The following CTNNA2 variants were observed in gnomAD, a reference collection of about 807,000 sequenced individuals.
CTNNA2 encodes the protein catenin alpha-2.
Under a neutral mutation model 101.0 loss-of-function variants are expected in CTNNA2, and 42 were observed. The observed-to-expected ratio is 0.42, with a 90% CI of 0.32 to 0.54. CTNNA2 has a LOEUF of 0.54. Ranked by LOEUF, CTNNA2 falls within the 20% of genes least tolerant of loss-of-function variation. The pLI, the probability that CTNNA2 is intolerant of heterozygous loss-of-function variation, is 0.14. For missense variants in CTNNA2, 871 were observed against 1,223.1 expected, an observed-to-expected ratio of 0.71 and a Z score of 4.29; for synonymous variants, 450 against 456.4, an observed-to-expected ratio of 0.99 and a Z score of 0.18.
chr2:79,666,199 T>C (rs1284608060), intron 2 of CTNNA2, among the ~76,000 whole-genome samples: 2 of 152,144 alleles, frequency 1.3e-5, no homozygotes, highest in Non-Finnish European at 2.9e-5. Context: ...TGGGCTTCTT[T>C]CCCAGAAAAA....
Position 80,070,717 on chromosome 2 carries a change from C to CAAA in CTNNA2, c.1056+160932_1056+160934dup, listed in dbSNP as rs70940074. Among the ~76,000 whole-genome samples, 54 of 140,468 alleles carry CAAA rather than the reference C, an allele frequency of 3.8e-4. No individual in the cohort carries two copies. The East Asian group carries it at 7.8e-3, about 20-fold the overall frequency. The allele number at this position is 140,468 out of a possible 152,430, so 92.2% of individuals were successfully genotyped here. A position where few individuals can be genotyped will look rare whatever the true frequency, so the allele number is the denominator to read the frequency against. ...CGGCAAACAGAGTGAGACCCTGTCT[C>CAAA]AAAAAAAAAAAAAAGTCTGAAATCA... On this transcript the variant is annotated intron_variant, in intron 7 of 18. Transcript: ENST00000402739.
chr2:79,933,317 C>T (rs890553797), intron 7 of CTNNA2, among the ~76,000 whole-genome samples: 1 of 152,056 alleles, frequency 6.6e-6, no homozygotes. Flanking sequence ...CATATTGAAC[C>T]TTTCTAACAA....
intron 9 of CTNNA2, among the ~76,000 whole-genome samples, chr2:80,453,451 T>C (rs1483255796): frequency 2.6e-5 from 4 of 152,080 alleles, no homozygotes; most frequent in African/African-American, 7.2e-5. Context: ...GACTCTAATA[T>C]GGTGCATTCA....
intron 15 of CTNNA2, among the ~76,000 whole-genome samples, chr2:80,589,903 T>TGTGTGC (rs1553400676): frequency 0.037 from 5,371 of 144,280 alleles, 246 homozygotes; most frequent in Admixed American, 0.066. Flanking sequence ...TGTGTGTGTG[T>TGTGTGC]GTGCGCGCGC....
rs147050368 is a variant in CTNNA2 at position 79,830,335 on chromosome 2, G to A, written c.299-27678G>A. Among the ~76,000 whole-genome samples, 11 of 152,280 alleles carry A rather than the reference G, an allele frequency of 7.2e-5. No individual in the cohort carries two copies. The East Asian group carries it at 1.9e-3, about 27-fold the overall frequency. ...GCACTGACTTGGAAGTGGGCAGGCAGGTCAAAGGGAAGTTCTGGGGAGGAT... is the reference window on the plus strand; with the variant it reads ...GCACTGACTTGGAAGTGGGCAGGCAAGTCAAAGGGAAGTTCTGGGGAGGAT... On this transcript the variant is annotated intron_variant, in intron 3 of 18. Coordinates refer to ENST00000402739, the MANE Select transcript of CTNNA2 (RefSeq NM_001282597.3).
chr2:80,302,985 C>A lies in CTNNA2; in HGVS notation c.1057-90226C>A. The A allele has an allele frequency of 6.2e-7, 1 of 1,613,342 alleles. No individual in the cohort carries two copies. The highest frequency in any genetic ancestry group is 8.5e-7 in the Non-Finnish European group (1 of 1,179,934). ...AGCTGCAGGGACTGCAGGTGCGGCA[C>A]GGTCTCGAACACATGGGGCTCCATG... On this transcript the variant is annotated intron_variant, in intron 7 of 18. Coordinates refer to ENST00000402739, the MANE Select transcript of CTNNA2 (RefSeq NM_001282597.3). This position sits in a 1 kb window ranked among gnomAD's most constrained non-coding sequence, Gnocchi z 6.4.
At chr2:79,360,178 T>C (rs1255643644) in intron 3 of CTNNA2, among the ~76,000 whole-genome samples, 1 of 152,156 alleles carries the variant, frequency 6.6e-6, no homozygotes, top group Admixed American at 6.5e-5. Context: ...CTGACAACTT[T>C]CCTCGCCCTC....
intron 3 of CTNNA2, among the ~76,000 whole-genome samples, chr2:79,767,153 T>G (rs905563836): frequency 1.3e-5 from 2 of 152,106 alleles, no homozygotes; most frequent in Non-Finnish European, 2.9e-5. Context: ...TTCTTCAGTA[T>G]GCCAATTGCA....
intron 7 of CTNNA2, among the ~76,000 whole-genome samples, chr2:80,083,378 G>A (rs755858929): frequency 7.2e-5 from 11 of 152,104 alleles, no homozygotes; most frequent in Non-Finnish European, 1.2e-4. Flanking sequence ...TAGGCTGCTT[G>A]GTTGCCACAG....
intron 7 of CTNNA2, among the ~76,000 whole-genome samples, chr2:80,089,137 T>A (rs1461183964): frequency 6.6e-6 from 1 of 151,986 alleles, no homozygotes; most frequent in African/African-American, 2.4e-5. Context: ...TACTTCCCCC[T>A]CCTTAGCTGG....
intron 9 of CTNNA2, among the ~76,000 whole-genome samples, chr2:80,494,910 A>T (rs1687333001): frequency 1.3e-5 from 2 of 152,206 alleles, no homozygotes; most frequent in South Asian, 4.1e-4. Flanking sequence ...TCAGAATCAG[A>T]TATGGCGTAA....
intron 3 of CTNNA2, among the ~76,000 whole-genome samples, chr2:79,793,883 C>T (rs1472329991): frequency 4.0e-5 from 5 of 124,384 alleles, no homozygotes; most frequent in African/African-American, 1.9e-4. Flanking sequence ...CACACACACA[C>T]TCATGCACAC....
At chr2:79,416,314 A>G (rs1390436295) in intron 4 of CTNNA2, among the ~76,000 whole-genome samples, 6 of 147,678 alleles carry the variant, frequency 4.1e-5, no homozygotes, top group Non-Finnish European at 8.9e-5. Flanking sequence ...CAAGTTGAGA[A>G]CAACTACTTT....
At chr2:80,295,945 T>C (rs1038468676) in intron 7 of CTNNA2, among the ~76,000 whole-genome samples, 1 of 152,226 alleles carries the variant, frequency 6.6e-6, no homozygotes, top group African/African-American at 2.4e-5. Flanking sequence ...AGTTTGCAGT[T>C]CTTGTATCTC....
intron 1 of CTNNA2, among the ~76,000 whole-genome samples, chr2:79,601,435 C>T (rs1253635264): frequency 6.6e-6 from 1 of 152,176 alleles, no homozygotes; most frequent in Non-Finnish European, 1.5e-5. Context: ...GGGAGCTGGG[C>T]TCTCATACTC....
At chr2:79,704,848 C>G (rs78642823) in intron 2 of CTNNA2, among the ~76,000 whole-genome samples, 25,320 of 152,022 alleles carry the variant, frequency 0.17, 2,182 homozygotes, top group Non-Finnish European at 0.18. Flanking sequence ...CCTCTCTACC[C>G]CTTTCAAGCA....
intron 7 of CTNNA2, chr2:80,305,142 C>T: frequency 1.0e-6 from 1 of 985,374 alleles, no homozygotes; most frequent in African/African-American, 1.7e-5. Context: ...AGAGAAGACA[C>T]AGGAAGGCAA....
chr2:80,228,305 C>T (rs1405411132), intron 7 of CTNNA2, among the ~76,000 whole-genome samples: 1 of 152,140 alleles, frequency 6.6e-6, no homozygotes, highest in Non-Finnish European at 1.5e-5. Flanking sequence ...GATGAGGGCT[C>T]ATTCTCTGCT....
chr2:80,280,765 A>C (rs1208568329), intron 7 of CTNNA2, among the ~76,000 whole-genome samples: 1 of 152,110 alleles, frequency 6.6e-6, no homozygotes, highest in Admixed American at 6.5e-5. Flanking sequence ...TGTCCTGCTC[A>C]GTCCTGTCTG....
Sources: gnomAD v4.1 joint callset for allele counts (sites outside exome capture counted in the v4.1 genomes callset) on GRCh38, gnomAD v4.1.1 for gene constraint, Gnocchi (gnomAD v3.1) non-coding constraint, MANE v1.5 for transcripts, NCBI Gene and HGNC (gene_info 2026-07-23, HGNC 2026-07-21) for gene names.